Variants in PRMT8 observed in about 807,000 individuals in gnomAD.
PRMT8 encodes protein arginine N-methyltransferase 8.
A neutral mutation model predicts 47.1 loss-of-function variants in PRMT8; 7 were observed. The ratio of observed to expected loss-of-function variants is 0.15; its 90% CI spans 0.08 to 0.28. PRMT8 has a LOEUF of 0.28. Among genes scored for constraint, PRMT8 ranks in the 10% least tolerant of loss-of-function variants. The pLI is 1.00. For synonymous variants in PRMT8, 188 were observed against 186.5 expected, an observed-to-expected ratio of 1.01 and a Z score of -0.07; for missense variants, 237 against 505.4, an observed-to-expected ratio of 0.47 and a Z score of 5.09.
In PRMT8 at chr12:3,514,206, C is replaced by T. The variant is rs1865753286; in HGVS notation, c.75+22506C>T. ...GATGTTCTAGCCTCTCTGAATTCAT[C>T]CTGCCTTTTTTTTTTTTTTCTGTTA... On this transcript the variant is annotated intron_variant, in intron 1 of 9. Transcript: ENST00000382622. The surrounding 1 kb of genome is among the most constrained non-coding windows in gnomAD (Gnocchi z 5.9). 6.7e-6 allele frequency among the ~76,000 whole-genome samples: 1 copy of T among 149,370 alleles called. No homozygotes were observed. The highest frequency in any genetic ancestry group is 1.5e-5 in the Non-Finnish European group (1 of 67,660).
chr12:3,539,672 A>G (rs561745439), intron 1 of PRMT8, among the ~76,000 whole-genome samples: 1 of 151,870 alleles, frequency 6.6e-6, no homozygotes, highest in Non-Finnish European at 1.5e-5. Flanking sequence ...AGCTCTGTGG[A>G]CCCCCATCTC....
intron 1 of PRMT8, among the ~76,000 whole-genome samples, chr12:3,526,442 G>C (rs1865951191): frequency 6.6e-6 from 1 of 152,178 alleles, no homozygotes; most frequent in Non-Finnish European, 1.5e-5. Context: ...CGGTCATACT[G>C]TTTTCCACAG....
At chr12:3,471,246 A>G (rs541317383) in intron 1 of PRMT8, among the ~76,000 whole-genome samples, 1 of 152,188 alleles carries the variant, frequency 6.6e-6, no homozygotes, top group South Asian at 2.1e-4. Context: ...AGGTGGAATG[A>G]AAACAGGCAA....
rs1246079181 is a variant in PRMT8, at chr12:3,436,513, C to G, written c.48+55071C>G. 6.6e-6 allele frequency among the ~76,000 whole-genome samples: 1 copy of G among 151,908 alleles called. No individual in the cohort carries two copies. The highest frequency in any genetic ancestry group is 1.5e-5 in the Non-Finnish European group (1 of 68,010). ...CTTTTTTTTTATGAGCTGCTATTGT[C>G]AGCGTGCAGAAGATCTCTATTAATA... On this transcript the variant is annotated intron_variant, in intron 1 of 9. Transcript: ENST00000452611. The surrounding 1 kb of genome is among the most constrained non-coding windows in gnomAD (Gnocchi z 4.2).
chr12:3,417,658 T>C (rs1333840377), intron 1 of PRMT8, among the ~76,000 whole-genome samples: 1 of 152,214 alleles, frequency 6.6e-6, no homozygotes, highest in East Asian at 1.9e-4. Flanking sequence ...TGACCTGTAC[T>C]CAGGAACTCA....
intron 1 of PRMT8, among the ~76,000 whole-genome samples, chr12:3,410,796 C>G (rs561707592): frequency 6.6e-6 from 1 of 152,202 alleles, no homozygotes. Flanking sequence ...CGTGAGCCAC[C>G]GCACCCAGCT....
In PRMT8 at chr12:3,580,214, A is replaced by G. The variant is rs1867030718; in HGVS notation, c.829-2844A>G. On this transcript the variant is annotated intron_variant, in intron 7 of 9. Coordinates refer to ENST00000382622, the MANE Select transcript of PRMT8 (RefSeq NM_019854.5). This position sits in a 1 kb window ranked among gnomAD's most constrained non-coding sequence, Gnocchi z 4.6. ...TATCAGAGGCCTCTATTAAGATGCA[A>G]ATGTCTCAGGGATCTATTGAAAGCT... Among the ~76,000 whole-genome samples, 1 of 152,098 alleles carries G rather than the reference A, an allele frequency of 6.6e-6. No homozygotes were observed. Among genetic ancestry groups the G allele is most frequent in the Admixed American group, 6.5e-5 (1 of 15,270 alleles).
At position 3,569,397 on chromosome 12, in the gene PRMT8, A is replaced by T; in HGVS notation, c.625-80A>T. On this transcript the variant is annotated intron_variant, in intron 5 of 9. Coordinates refer to ENST00000382622, the MANE Select transcript of PRMT8 (RefSeq NM_019854.5). This position sits in a 1 kb window ranked among gnomAD's most constrained non-coding sequence, Gnocchi z 8.2. Reference sequence around the variant, plus strand: ...GTGGCAAGGGGGTGCTTGTCTGGTGACTCTATGTGCAGTTCAAAATGTGAT... The same window carrying T: ...GTGGCAAGGGGGTGCTTGTCTGGTGTCTCTATGTGCAGTTCAAAATGTGAT... The T allele has an allele frequency of 8.5e-7, 1 of 1,178,874 alleles. No individual in the cohort carries two copies. The highest frequency in any genetic ancestry group is 1.5e-5 in the African/African-American group (1 of 66,546). The allele number at this position is 1,178,874 out of a possible 1,614,324, so 73.0% of individuals were successfully genotyped here. A position where few individuals can be genotyped will look rare whatever the true frequency, so the allele number is the denominator to read the frequency against.
chr12:3,592,419 A>G, intron 9 of PRMT8, 67 bp downstream of exon 9: 1 of 1,529,264 alleles, frequency 6.5e-7, no homozygotes. Context: ...CTCAGGACCC[A>G]CTTGCCCGGG....
intron 1 of PRMT8, among the ~76,000 whole-genome samples, chr12:3,443,987 G>A (rs908715982): frequency 6.6e-5 from 10 of 152,148 alleles, no homozygotes; most frequent in East Asian, 1.9e-4. Context: ...CTTTAAACTC[G>A]ATGTAAGGCT....
At chr12:3,549,471 C>G (rs1354967992) in intron 2 of PRMT8, among the ~76,000 whole-genome samples, 1 of 150,742 alleles carries the variant, frequency 6.6e-6, no homozygotes, top group African/African-American at 2.4e-5. Flanking sequence ...AGCCAATATG[C>G]TGGACAGAGA....
At chr12:3,573,712 T>C (rs1866890965) in intron 6 of PRMT8, among the ~76,000 whole-genome samples, 2 of 152,212 alleles carry the variant, frequency 1.3e-5, no homozygotes, top group Admixed American at 6.5e-5. Context: ...TTTAATTACA[T>C]ACATTATGCC....
At chr12:3,464,312 A>G (rs1446361873) in intron 1 of PRMT8, among the ~76,000 whole-genome samples, 3 of 151,936 alleles carry the variant, frequency 2.0e-5, no homozygotes, top group African/African-American at 7.2e-5. Context: ...AAAGACAGTC[A>G]GGACCTTCAC....
intron 1 of PRMT8, among the ~76,000 whole-genome samples, chr12:3,399,678 C>T (rs888732688): frequency 6.6e-6 from 1 of 152,196 alleles, no homozygotes; most frequent in Non-Finnish European, 1.5e-5. Flanking sequence ...ACAGCATCTC[C>T]TCCCTCATTC....
At chr12:3,499,112 A>G (rs1220048748) in intron 1 of PRMT8, among the ~76,000 whole-genome samples, 1 of 151,874 alleles carries the variant, frequency 6.6e-6, no homozygotes, top group South Asian at 2.1e-4. Flanking sequence ...CTCTAATCCA[A>G]TATGACTTCA....
intron 1 of PRMT8, among the ~76,000 whole-genome samples, chr12:3,449,056 A>G (rs962953186): frequency 1.3e-5 from 2 of 152,194 alleles, no homozygotes; most frequent in African/African-American, 4.8e-5. Flanking sequence ...GTCCCTGCAA[A>G]GGACATTATC....
At chr12:3,455,245 C>G (rs114646555) in intron 1 of PRMT8, among the ~76,000 whole-genome samples, 1 of 152,212 alleles carries the variant, frequency 6.6e-6, no homozygotes, top group Non-Finnish European at 1.5e-5. Flanking sequence ...AGTGGGCATA[C>G]GAACCTGTTG....
rs1865460480 is a variant in PRMT8, at chr12:3,493,653, A to C, written c.75+1953A>C. 6.6e-6 allele frequency among the ~76,000 whole-genome samples: 1 copy of C among 152,190 alleles called. No individual in the cohort carries two copies. The highest frequency in any genetic ancestry group is 1.5e-5 in the Non-Finnish European group (1 of 68,038). ...GGTTAAAGGCGTCCGGAGCAGGCAG[A>C]GCGCCGCGCGCCAGTCTATTTTTAC... is the stretch of plus-strand genomic sequence containing the variant. On this transcript the variant is annotated intron_variant, in intron 1 of 9. Transcript: ENST00000382622. This position sits in a 1 kb window ranked among gnomAD's most constrained non-coding sequence, Gnocchi z 8.2.
chr12:3,561,670 C>T (rs1244498615), intron 4 of PRMT8, among the ~76,000 whole-genome samples: 2 of 152,186 alleles, frequency 1.3e-5, no homozygotes, highest in Non-Finnish European at 2.9e-5. Context: ...GTCATCTTCT[C>T]CCTTAGGATG....
Sources: allele counts gnomAD v4.1 joint callset (sites outside exome capture counted in the v4.1 genomes callset), GRCh38; gene constraint gnomAD v4.1.1; non-coding constraint Gnocchi (gnomAD v3.1); transcripts MANE v1.5; gene names NCBI Gene and HGNC (gene_info 2026-07-23, HGNC 2026-07-21).